Variants in FAM124A observed in about 807,000 individuals in gnomAD.
FAM124A encodes the protein protein FAM124A.
A neutral mutation model predicts 24.5 loss-of-function variants in FAM124A; 23 were observed. The observed-to-expected ratio is 0.94, with a 90% CI of 0.68 to 1.33. The LOEUF is 1.33. Ranked by LOEUF, FAM124A falls within the 40% of genes most tolerant of loss-of-function variation. The pLI, the probability that FAM124A is intolerant of heterozygous loss-of-function variation, is 0.00. For missense variants in FAM124A, 623 were observed against 722.8 expected (o/e 0.86, Z 1.58); for synonymous variants, 287 against 314.7 (o/e 0.91, Z 0.93).
rs958885393 is a variant in FAM124A, at chr13:51,258,989, C to T, written c.834+6788C>T. On this transcript the variant is annotated intron_variant, in intron 3 of 3. Coordinates refer to ENST00000322475, the MANE Select transcript of FAM124A (RefSeq NM_001242312.2). The surrounding 1 kb of genome is among the most constrained non-coding windows in gnomAD (Gnocchi z 4.2). ...CACAATGGCCTGGGCAGGACGGGGC[C>T]GGGGCAGCCGTCAGGGTTCCGAGCT... is the stretch of plus-strand genomic sequence containing the variant. Among the ~76,000 whole-genome samples the T allele has an allele frequency of 1.6e-4, 24 of 152,224 alleles. No individual in the cohort carries two copies. Among genetic ancestry groups the T allele is most frequent in the Middle Eastern group, 3.4e-3 (1 of 294 alleles).
At chr13:51,228,296 A>C (rs1177856838) in intron 1 of FAM124A, among the ~76,000 whole-genome samples, 2 of 152,182 alleles carry the variant, frequency 1.3e-5, no homozygotes, top group Non-Finnish European at 2.9e-5. Context: ...TTAAGTACAG[A>C]ACCTCTATGT....
chr13:51,243,904 C>T (rs1248413463), intron 2 of FAM124A, among the ~76,000 whole-genome samples: 1 of 152,152 alleles, frequency 6.6e-6, no homozygotes, highest in Non-Finnish European at 1.5e-5. Context: ...TGTGACGCAC[C>T]GTCTCACCTG....
At chr13:51,243,024 C>T (rs1042057810) in intron 2 of FAM124A, among the ~76,000 whole-genome samples, 13 of 152,200 alleles carry the variant, frequency 8.5e-5, no homozygotes, top group Admixed American at 2.0e-4. Flanking sequence ...AATTACAGGA[C>T]ACTTCTGTGA....
At chr13:51,270,010 G>A (rs953513856) in intron 3 of FAM124A, among the ~76,000 whole-genome samples, 4 of 152,114 alleles carry the variant, frequency 2.6e-5, no homozygotes, top group Non-Finnish European at 5.9e-5. Context: ...GACAGTTCTG[G>A]GGGCCAGTTC....
chr13:51,223,241 T>G (rs1954280274), intron 1 of FAM124A, among the ~76,000 whole-genome samples: 1 of 151,640 alleles, frequency 6.6e-6, no homozygotes, highest in Non-Finnish European at 1.5e-5. Flanking sequence ...ACTCAAACAA[T>G]GGGCTCAAAC....
intron 3 of FAM124A, chr13:51,253,272 T>G (rs1954643980): frequency 6.6e-6 from 1 of 152,228 alleles, no homozygotes; most frequent in Non-Finnish European, 1.5e-5. Flanking sequence ...AGAACTATAA[T>G]CCACATATCA....
At chr13:51,247,808 A>G (rs575215644) in intron 2 of FAM124A, among the ~76,000 whole-genome samples, 1 of 152,182 alleles carries the variant, frequency 6.6e-6, no homozygotes, top group Admixed American at 6.5e-5. Context: ...ATTTTCTCCT[A>G]CTTTTACTGG....
chr13:51,260,481 A>C (rs919523540), intron 3 of FAM124A, among the ~76,000 whole-genome samples: 5 of 152,240 alleles, frequency 3.3e-5, no homozygotes, highest in Non-Finnish European at 7.3e-5. Context: ...TACCCTAGAA[A>C]TAATAATGTG....
At chr13:51,236,262 A>G (rs1954434345) in intron 2 of FAM124A, among the ~76,000 whole-genome samples, 1 of 152,226 alleles carries the variant, frequency 6.6e-6, no homozygotes, top group East Asian at 1.9e-4. Flanking sequence ...TAGCTGGTCT[A>G]GAGCCACCAC....
At position 51,245,918 on chromosome 13, in the gene FAM124A, GA is replaced by G. The variant is rs1954552688; in HGVS notation, c.101-5544del. Among the ~76,000 whole-genome samples, 4 of 152,128 alleles carry G rather than the reference GA, an allele frequency of 2.6e-5. No individual in the cohort carries two copies. In the South Asian group the frequency reaches 6.2e-4, roughly 24 times the overall value. On this transcript the variant is annotated intron_variant, in intron 2 of 3. Coordinates refer to ENST00000322475, the MANE Select transcript of FAM124A (RefSeq NM_001242312.2). ...GATACACAGGAGAGGTAAAATGTTG[GA>G]AAAAATATATATATAACAAATGCCC...
At chr13:51,227,615 T>C (rs1954328938) in intron 1 of FAM124A, among the ~76,000 whole-genome samples, 1 of 152,226 alleles carries the variant, frequency 6.6e-6, no homozygotes, top group African/African-American at 2.4e-5. Context: ...ATCCCTTAAA[T>C]AGAAGGACAG....
At chr13:51,262,320 CT>C (rs1267016853) in intron 3 of FAM124A, among the ~76,000 whole-genome samples, 4 of 151,408 alleles carry the variant, frequency 2.6e-5, no homozygotes, top group Non-Finnish European at 5.9e-5. Flanking sequence ...TGTTTTCATA[CT>C]TTTAATTATA....
At chr13:51,231,661 T>C (rs148962510) in intron 2 of FAM124A, among the ~76,000 whole-genome samples, 13 of 152,314 alleles carry the variant, frequency 8.5e-5, no homozygotes, top group African/African-American at 3.1e-4. Context: ...AGCGCTTTCA[T>C]TGAACAAACA....
At chr13:51,243,438 T>C (rs1954522441) in intron 2 of FAM124A, among the ~76,000 whole-genome samples, 1 of 152,188 alleles carries the variant, frequency 6.6e-6, no homozygotes, top group African/African-American at 2.4e-5. Context: ...GGGGAATGCC[T>C]CAATGTGGGG....
intron 3 of FAM124A, among the ~76,000 whole-genome samples, chr13:51,263,048 G>A (rs539276707): frequency 2.6e-5 from 4 of 152,332 alleles, no homozygotes; most frequent in Admixed American, 1.3e-4. Flanking sequence ...GCCCTTAGTG[G>A]GGAGCCACAG....
chr13:51,233,673 G>T (rs1593587040), intron 2 of FAM124A, among the ~76,000 whole-genome samples: 1 of 152,092 alleles, frequency 6.6e-6, no homozygotes, highest in East Asian at 1.9e-4. Flanking sequence ...TTCAGGAGAA[G>T]GCCCCTTGAG....
At chr13:51,266,422 C>T (rs772343298) in intron 3 of FAM124A, among the ~76,000 whole-genome samples, 2 of 152,074 alleles carry the variant, frequency 1.3e-5, no homozygotes, top group Non-Finnish European at 2.9e-5. Flanking sequence ...AACCCCAAAG[C>T]CAGTTCAGTT....
At chr13:51,252,251 TA>T in intron 3 of FAM124A, 50 bp downstream of exon 3, 1 of 1,581,558 alleles carries the variant, frequency 6.3e-7, no homozygotes, top group Non-Finnish European at 8.6e-7. Context: ...AGAAACCAGT[TA>T]GCTTTGCCTC....
In FAM124A at chr13:51,251,552, A is replaced by C; in HGVS notation, c.185A>C (p.Gln62Pro). 6.5e-7 allele frequency: 1 copy of C among 1,532,210 alleles called. No individual in the cohort carries two copies. Among genetic ancestry groups the C allele is most frequent in the Non-Finnish European group, 8.8e-7 (1 of 1,137,834 alleles). The allele number at this position is 1,532,210 out of a possible 1,614,324, so 94.9% of individuals were successfully genotyped here. The part of the protein sequence containing the change: ...IADPGESQPL[Q>P]EAIDNVLAWI... ...GACCCAGGGGAGTCCCAGCCCCTGCAGGAGGCCATCGACAACGTCCTGGCG... is the reference window on the plus strand; with the variant it reads ...GACCCAGGGGAGTCCCAGCCCCTGCCGGAGGCCATCGACAACGTCCTGGCG... Residue 62 changes from glutamine to proline, a missense_variant, in exon 3 of 4, where the codon CAG (glutamine) becomes CCG (proline). Gln to Pro is a moderately conservative substitution (Grantham distance 76). Transcript: ENST00000322475. This position sits in a 1 kb window ranked among gnomAD's most constrained non-coding sequence, Gnocchi z 5.3.
Sources: gnomAD v4.1 joint callset for allele counts (sites outside exome capture counted in the v4.1 genomes callset) on GRCh38, gnomAD v4.1.1 for gene constraint, Gnocchi (gnomAD v3.1) non-coding constraint, MANE v1.5 for transcripts, NCBI Gene and HGNC (gene_info 2026-07-23, HGNC 2026-07-21) for gene names.